The following ANKS1A variants were observed in gnomAD, a reference collection of about 807,000 sequenced individuals.
The protein encoded by ANKS1A is ankyrin repeat and SAM domain-containing protein 1A.
Under a neutral mutation model 120.3 loss-of-function variants are expected in ANKS1A, and 55 were observed. The ratio of observed to expected loss-of-function variants is 0.46; its 90% confidence interval spans 0.37 to 0.57. The LOEUF (loss-of-function observed/expected upper bound fraction) is 0.57, where lower values mean the gene tolerates loss of function less well. Ranked by LOEUF, ANKS1A falls within the 20% of genes least tolerant of loss-of-function variation. The pLI is 0.00. For missense variants in ANKS1A, 1,123 were observed against 1,480.3 expected (o/e 0.76, Z 3.96); for synonymous variants, 590 against 604.7 (o/e 0.98, Z 0.36).
In ANKS1A at chr6:35,085,426, TTA is replaced by T; in HGVS notation, c.3133-339_3133-338del. Among the ~76,000 whole-genome samples the T allele has an allele frequency of 6.6e-6, 1 of 152,138 alleles. No homozygotes were observed. The highest frequency in any genetic ancestry group is 3.4e-3 in the Middle Eastern group (1 of 294). On this transcript the variant is annotated intron_variant, in intron 21 of 23. Coordinates refer to ENST00000360359, the MANE Select transcript of ANKS1A (RefSeq NM_015245.3). This position sits in a 1 kb window ranked among gnomAD's most constrained non-coding sequence, Gnocchi z 4.7. ...ACTCACAGACTTTGTCGGTGACACA[TTA>T]AAAATAAAAGCACTAGCACCACTTA...
At chr6:34,924,725 C>T (rs150323440) in intron 1 of ANKS1A, among the ~76,000 whole-genome samples, 12 of 152,178 alleles carry the variant, frequency 7.9e-5, no homozygotes, top group Non-Finnish European at 1.2e-4. Context: ...GAACAAGCAT[C>T]GGAATATTCA....
chr6:34,963,144 G>A (rs543621147), intron 1 of ANKS1A, among the ~76,000 whole-genome samples: 88 of 152,232 alleles, frequency 5.8e-4, no homozygotes, highest in African/African-American at 2.0e-3. Flanking sequence ...TTACAGGCAT[G>A]AGCCACCACA....
Position 35,089,846 on chromosome 6 carries a change from TC to T in ANKS1A, c.*1239del. ...AAGTTGGCTCAGCTGTGTGCCCAGTTCCTCCTGTGGGCACTTTAGCAGGCTC... is the reference window on the plus strand; with the variant it reads ...AAGTTGGCTCAGCTGTGTGCCCAGTTCTCCTGTGGGCACTTTAGCAGGCTC... On this transcript the variant is annotated 3_prime_UTR_variant, in exon 24 of 24. Coordinates refer to ENST00000360359, the MANE Select transcript of ANKS1A (RefSeq NM_015245.3). 2 of 1,062,802 alleles carry T rather than the reference TC, an allele frequency of 1.9e-6. No homozygotes were observed. The highest frequency in any genetic ancestry group is 2.3e-6 in the Non-Finnish European group (2 of 876,418). The allele number at this position is 1,062,802 out of a possible 1,614,324, so 65.8% of individuals were successfully genotyped here.
chr6:34,970,589 G>A (rs1199466194), intron 3 of ANKS1A, among the ~76,000 whole-genome samples: 1 of 152,176 alleles, frequency 6.6e-6, no homozygotes, highest in Admixed American at 6.5e-5. Context: ...AACCATGGAT[G>A]GAAACCTGTG....
At chr6:35,003,082 C>A (rs1314023914) in intron 10 of ANKS1A, among the ~76,000 whole-genome samples, 1 of 151,466 alleles carries the variant, frequency 6.6e-6, no homozygotes, top group Non-Finnish European at 1.5e-5. Context: ...TTCCTACTGC[C>A]CATAAAAACA....
At chr6:34,956,546 C>T (rs1770375254) in intron 1 of ANKS1A, among the ~76,000 whole-genome samples, 1 of 152,064 alleles carries the variant, frequency 6.6e-6, no homozygotes, top group Admixed American at 6.6e-5. Context: ...GATAGGAGCC[C>T]CTCCTGTTTT....
At chr6:34,929,021 T>C (rs918549127) in intron 1 of ANKS1A, among the ~76,000 whole-genome samples, 4 of 152,350 alleles carry the variant, frequency 2.6e-5, no homozygotes, top group South Asian at 2.1e-4. Context: ...CTCAGAAATC[T>C]GTTTACTAAA....
rs541869546 is a variant in ANKS1A at position 34,943,128 on chromosome 6, C to G, written c.198-24111C>G. On this transcript the variant is annotated intron_variant, in intron 1 of 23. Coordinates refer to ENST00000360359, the MANE Select transcript of ANKS1A (RefSeq NM_015245.3). ...GAATACAGGTGTGCATCACCATGCT[C>G]AGGTAGTTTTGATATGCGGTCTTGC... Among the ~76,000 whole-genome samples the G allele has an allele frequency of 2.6e-5, 4 of 152,156 alleles. No homozygotes were observed. The South Asian group carries it at 8.3e-4, about 32-fold the overall frequency.
Position 34,941,148 on chromosome 6 carries a change from C to T in ANKS1A, c.198-26091C>T, listed in dbSNP as rs1024897248. 1.7e-4 allele frequency among the ~76,000 whole-genome samples: 26 copies of T among 151,816 alleles called. No individual in the cohort carries two copies. The East Asian group carries it at 2.4e-3, about 14-fold the overall frequency. ...GATCACAGGCGTGTGCCACCACGCC[C>T]GGCTAATTTTTGTATTTTTAGTAGA... On this transcript the variant is annotated intron_variant, in intron 1 of 23. Coordinates refer to ENST00000360359, the MANE Select transcript of ANKS1A (RefSeq NM_015245.3).
Position 34,991,755 on chromosome 6 carries a change from CAT to C in ANKS1A, c.1302+2449_1302+2450del, listed in dbSNP as rs1314721294. Among the ~76,000 whole-genome samples, 59 of 24,780 alleles carry C rather than the reference CAT, an allele frequency of 2.4e-3. 1 individual carries two copies. The highest frequency in any genetic ancestry group is 0.038 in the Middle Eastern group (2 of 52). 16.3% of individuals were successfully genotyped at this position (24,780 alleles called of 152,430 possible). On this transcript the variant is annotated intron_variant, in intron 9 of 23. Coordinates refer to ENST00000360359, the MANE Select transcript of ANKS1A (RefSeq NM_015245.3). ...ACACATATATATACATATATACACA[CAT>C]ATATATATACACATATATATACACA...
At position 34,969,944 on chromosome 6, in the gene ANKS1A, G is replaced by A. The variant is rs372361224; in HGVS notation, c.279-66G>A. 47 of 1,570,810 alleles carry A rather than the reference G, an allele frequency of 3.0e-5. No individual in the cohort carries two copies. In the East Asian group the frequency reaches 3.6e-4, roughly 12 times the overall value. ...TGAAAGGGCTTTGTGCCATATAGGT[G>A]TAAAGAGCTGTTAGCTGGAAAGACT... On this transcript the variant is annotated intron_variant, in intron 2 of 23. Coordinates refer to ENST00000360359, the MANE Select transcript of ANKS1A (RefSeq NM_015245.3).
In ANKS1A at chr6:34,889,960, A is replaced by G. The variant is rs1054889552; in HGVS notation, c.197+361A>G. On this transcript the variant is annotated intron_variant, in intron 1 of 23. Coordinates refer to ENST00000360359, the MANE Select transcript of ANKS1A (RefSeq NM_015245.3). The surrounding 1 kb of genome is among the most constrained non-coding windows in gnomAD (Gnocchi z 5.5). ...ATATGTATATCTTATATATATATATATGAGATCTCCCTCACCTCCTGCAGA... is the reference window on the plus strand; with the variant it reads ...ATATGTATATCTTATATATATATATGTGAGATCTCCCTCACCTCCTGCAGA... Among the ~76,000 whole-genome samples, 6 of 152,040 alleles carry G rather than the reference A, an allele frequency of 3.9e-5. No individual in the cohort carries two copies. Among genetic ancestry groups the G allele is most frequent in the Admixed American group, 6.5e-5 (1 of 15,282 alleles).
intron 1 of ANKS1A, among the ~76,000 whole-genome samples, chr6:34,948,169 G>GTTC (rs1769897091): frequency 7.1e-6 from 1 of 141,608 alleles, no homozygotes; most frequent in South Asian, 2.3e-4. Flanking sequence ...TTTTTTTAAT[G>GTTC]TTCCAAAGTA....
chr6:34,927,645 G>A (rs1440953756), intron 1 of ANKS1A, among the ~76,000 whole-genome samples: 1 of 152,186 alleles, frequency 6.6e-6, no homozygotes, highest in Non-Finnish European at 1.5e-5. Flanking sequence ...TGGACTAAGT[G>A]ACAGCCTTGG....
At chr6:35,021,994 A>C (rs1173870777) in intron 11 of ANKS1A, among the ~76,000 whole-genome samples, 5 of 151,012 alleles carry the variant, frequency 3.3e-5, no homozygotes, top group South Asian at 4.2e-4. Flanking sequence ...TAAAAAAAAA[A>C]AAAAACAAAA....
At chr6:35,087,139 ACT>A in intron 23 of ANKS1A, 90 bp downstream of exon 23, 1 of 1,313,552 alleles carries the variant, frequency 7.6e-7, no homozygotes, top group Non-Finnish European at 1.1e-6. Flanking sequence ...GCTGTCCTCA[ACT>A]CTCTCCTTCC....
At chr6:35,035,967 A>T (rs1285914326) in intron 11 of ANKS1A, among the ~76,000 whole-genome samples, 1 of 152,198 alleles carries the variant, frequency 6.6e-6, no homozygotes, top group Non-Finnish European at 1.5e-5. Flanking sequence ...CACAAGGTTC[A>T]TTTAAAACCC....
At position 35,090,072 on chromosome 6, in the gene ANKS1A, G is replaced by A; in HGVS notation, c.*1463G>A. ...GGGGCTGTGTCTCTGACTGGCTAGA[G>A]GCCAGGCCTTGTGGGTTTCTATCTG... On this transcript the variant is annotated 3_prime_UTR_variant, in exon 24 of 24. Transcript: ENST00000360359. 7.8e-7 allele frequency: 1 copy of A among 1,278,520 alleles called. No individual in the cohort carries two copies. The highest frequency in any genetic ancestry group is 1.3e-5 in the South Asian group (1 of 79,284). The allele number at this position is 1,278,520 out of a possible 1,614,324, so 79.2% of individuals were successfully genotyped here. A position where few individuals can be genotyped will look rare whatever the true frequency, so the allele number is the denominator to read the frequency against.
intron 1 of ANKS1A, among the ~76,000 whole-genome samples, chr6:34,899,098 T>A (rs542087593): frequency 2.6e-4 from 39 of 152,194 alleles, no homozygotes; most frequent in Non-Finnish European, 4.6e-4. Flanking sequence ...GAAACATACA[T>A]GTTGTTGAAT....
Sources: gnomAD v4.1 joint callset for allele counts (sites outside exome capture counted in the v4.1 genomes callset) on GRCh38, gnomAD v4.1.1 for gene constraint, Gnocchi (gnomAD v3.1) non-coding constraint, MANE v1.5 for transcripts, NCBI Gene and HGNC (gene_info 2026-07-23, HGNC 2026-07-21) for gene names.